The following RPE65 variants were observed in gnomAD, a reference collection of about 807,000 sequenced individuals.
RPE65 encodes retinoid isomerohydrolase RPE65.
Under a neutral mutation model 68.5 loss-of-function variants are expected in RPE65, and 58 were observed. The observed-to-expected ratio is 0.85, with a 90% CI of 0.69 to 1.05. The LOEUF (loss-of-function observed/expected upper bound fraction) is 1.05, where lower values mean the gene tolerates loss of function less well. Among genes scored for constraint, RPE65 ranks in the 50% least tolerant of loss-of-function variants. RPE65 has a pLI of 0.00. For missense variants in RPE65, 643 were observed against 629.9 expected, an observed-to-expected ratio of 1.02 and a Z score of -0.22; for synonymous variants, 220 against 222.2, an observed-to-expected ratio of 0.99 and a Z score of 0.09.
intron 5 of RPE65, among the ~76,000 whole-genome samples, chr1:68,442,254 A>G (rs1169059216): frequency 6.6e-6 from 1 of 152,206 alleles, no homozygotes; most frequent in Admixed American, 6.5e-5. Flanking sequence ...ACATGACTCC[A>G]ACTAATGTTT....
At chr1:68,431,044 C>A in intron 13 of RPE65, 21 bp downstream of exon 13, 1 of 1,584,732 alleles carries the variant, frequency 6.3e-7, no homozygotes, top group Non-Finnish European at 8.7e-7. Flanking sequence ...AGTATTCAGA[C>A]ACAACAATTG....
Position 68,431,070 on chromosome 1 carries a change from T to A in RPE65, c.1445A>T (p.Asp482Val). 6.2e-7 allele frequency: 1 copy of A among 1,613,186 alleles called. No individual in the cohort carries two copies. Among genetic ancestry groups the A allele is most frequent in the African/African-American group, 1.3e-5 (1 of 75,008 alleles). The change falls in exon 13 of 14, where the codon GAT becomes GTT. Residue 482 changes from aspartate to valine, a missense_variant. Coordinates refer to ENST00000262340, the MANE Select transcript of RPE65 (RefSeq NM_000329.3). ...FVSHPDALEE[D>V]DGVVLSVVVS... Reference sequence around the variant, plus strand: ...ACAACAATTGCTTTCATTACCATCATCTTCTTCCAAGGCATCTGGGTGAGA... The same window carrying A: ...ACAACAATTGCTTTCATTACCATCAACTTCTTCCAAGGCATCTGGGTGAGA...
intron 10 of RPE65, among the ~76,000 whole-genome samples, chr1:68,433,816 G>A (rs971652024): frequency 5.9e-5 from 9 of 152,056 alleles, no homozygotes; most frequent in Non-Finnish European, 1.2e-4. Context: ...AAATGACTTT[G>A]ATAAGGTAAG....
Position 68,429,257 on chromosome 1 carries a change from T to C in RPE65, c.*519A>G, listed in dbSNP as rs1021911880. ...ATAAGATTCATAATCTTTGAGCAGT[T>C]ACGTATACGCAAAATAATTACTGTA... is the stretch of plus-strand genomic sequence containing the variant. On this transcript the variant is annotated 3_prime_UTR_variant, in exon 14 of 14. Transcript: ENST00000262340. 1 of 156,440 alleles carries C rather than the reference T, an allele frequency of 6.4e-6. No individual in the cohort carries two copies. The highest frequency in any genetic ancestry group is 1.4e-5 in the Non-Finnish European group (1 of 70,892). The allele number at this position is 156,440 out of a possible 1,614,324, so 9.7% of individuals were successfully genotyped here. A position where few individuals can be genotyped will look rare whatever the true frequency, so the allele number is the denominator to read the frequency against.
At chr1:68,443,657 C>T (rs1174838393) in intron 5 of RPE65, among the ~76,000 whole-genome samples, 3 of 152,112 alleles carry the variant, frequency 2.0e-5, no homozygotes, top group African/African-American at 7.2e-5. Context: ...TAATTCCTTT[C>T]GTATTTATGC....
At chr1:68,449,643 A>G (rs1032757088) in intron 1 of RPE65, among the ~76,000 whole-genome samples, 1 of 152,176 alleles carries the variant, frequency 6.6e-6, no homozygotes, top group Non-Finnish European at 1.5e-5. Flanking sequence ...GTGGAGCCCA[A>G]GTCTGTCTGA....
intron 10 of RPE65, among the ~76,000 whole-genome samples, chr1:68,432,420 G>A (rs1645833748): frequency 6.6e-6 from 1 of 152,134 alleles, no homozygotes; most frequent in Non-Finnish European, 1.5e-5. Context: ...GATGGTTCGG[G>A]TAGGTCTCTT....
intron 3 of RPE65, among the ~76,000 whole-genome samples, chr1:68,445,275 C>CT (rs1438102314): frequency 2.0e-5 from 3 of 152,110 alleles, no homozygotes; most frequent in Non-Finnish European, 4.4e-5. Context: ...TCAACCTAAA[C>CT]TTACTGGGAA....
rs1268270522 is a variant in RPE65 at position 68,440,860 on chromosome 1, C to T, written c.636G>A (p.Leu212=). ...ACAGATTGGTAAACTCACCTGCTTG[C>T]AGTGGTGGGATCTTTACAATGTTGT... ...IAYNIVKIPP[L]QADKEDPISK... Residue 212 remains leucine, a synonymous_variant, in exon 6 of 14, where the codon CTG becomes CTA. Transcript: ENST00000262340. 6.2e-7 allele frequency: 1 copy of T among 1,614,008 alleles called. No individual in the cohort carries two copies. The highest frequency in any genetic ancestry group is 8.5e-7 in the Non-Finnish European group (1 of 1,179,876).
In RPE65 at chr1:68,444,622, T is replaced by G; in HGVS notation, c.404A>C (p.Asn135Thr). 5 of 1,614,174 alleles carry G rather than the reference T, an allele frequency of 3.1e-6. No individual in the cohort carries two copies. The highest frequency in any genetic ancestry group is 4.2e-6 in the Non-Finnish European group (5 of 1,180,026). ...GTAATCTTCCCCCACTGGGTAGACA[T>G]TAACAAGGGCATTGTCAGTAACCTC... is the stretch of plus-strand genomic sequence containing the variant. The part of the protein sequence containing the change: ...GVEVTDNALV[N>T]VYPVGEDYYA... Residue 135 changes from asparagine to threonine, a missense_variant, in exon 5 of 14, where the codon AAT becomes ACT. Asn to Thr is a moderately conservative substitution (Grantham distance 65). Transcript: ENST00000262340.
chr1:68,441,141 C>T (rs1645899833), intron 5 of RPE65, 141 bp from the exon 6 acceptor site: 4 of 985,208 alleles, frequency 4.1e-6, no homozygotes, highest in African/African-American at 1.6e-5. Flanking sequence ...TGGATTCTAC[C>T]CTCTTTCACC....
At chr1:68,435,476 C>CT (rs1260435857) in intron 10 of RPE65, among the ~76,000 whole-genome samples, 1 of 152,142 alleles carries the variant, frequency 6.6e-6, no homozygotes, top group Non-Finnish European at 1.5e-5. Flanking sequence ...CCTTCACTGT[C>CT]TTTCCATTAC....
chr1:68,444,836 A>C lies in RPE65; in HGVS notation c.293T>G (p.Ile98Ser). ...ACAGGTGCCAAATTCTGTTATGACG[A>C]TCCTTTTCTCAGTCATTGCCCGTAC... ...AYVRAMTEKR[I>S]VITEFGTCAF... Residue 98 changes from isoleucine to serine, a missense_variant, in exon 4 of 14, where the codon ATC becomes AGC. Transcript: ENST00000262340. The C allele has an allele frequency of 6.2e-7, 1 of 1,614,042 alleles. No individual in the cohort carries two copies. Among genetic ancestry groups the C allele is most frequent in the Non-Finnish European group, 8.5e-7 (1 of 1,180,008 alleles).
intron 13 of RPE65, 66 bp from the exon 14 acceptor site, chr1:68,429,993 A>C: frequency 1.3e-6 from 2 of 1,587,334 alleles, no homozygotes; most frequent in African/African-American, 1.3e-5. Context: ...ATTGAATGTC[A>C]TTGAAATAAT....
chr1:68,442,830 C>T (rs993013069), intron 5 of RPE65, among the ~76,000 whole-genome samples: 2 of 152,206 alleles, frequency 1.3e-5, no homozygotes, highest in Non-Finnish European at 2.9e-5. Flanking sequence ...TGGTTACACA[C>T]ACACAACATA....
Position 68,439,582 on chromosome 1 carries a change from A to G in RPE65, c.704T>C (p.Phe235Ser). 6.2e-7 allele frequency: 1 copy of G among 1,613,970 alleles called. No homozygotes were observed. The highest frequency in any genetic ancestry group is 2.2e-5 in the East Asian group (1 of 44,874). ...TTACCTATGAACGTAAGATGGCTTG[A>G]ATCGGTCACTGCAGGGGAATTGTAC... is the stretch of plus-strand genomic sequence containing the variant. The part of the protein sequence containing the change: ...IVVQFPCSDR[F>S]KPSYVHSFGL... The change falls in exon 7 of 14, where the codon TTC becomes TCC. Residue 235 changes from phenylalanine (F) to serine (S), a missense_variant. Physicochemically the swap from Phe to Ser is radical, Grantham distance 155. Transcript: ENST00000262340.
chr1:68,429,830 A>T lies in RPE65; in HGVS notation c.1548T>A (p.Ala516=). The T allele has an allele frequency of 6.2e-7, 1 of 1,613,872 alleles. No homozygotes were observed. Among genetic ancestry groups the T allele is most frequent in the Non-Finnish European group, 8.5e-7 (1 of 1,179,840 alleles). ...NAKDLSEVAR[A]EVEINIPVTF... is the part of the protein sequence containing the mutation. ...TGACAGGGATGTTAATCTCCACTTC[A>T]GCCCGGGCAACTTCACTTAAGTCCT... Residue 516 remains alanine (A), a synonymous_variant, in exon 14 of 14, where the codon GCT becomes GCA. Transcript: ENST00000262340.
Position 68,449,886 on chromosome 1 carries a change from G to A in RPE65, c.11+9C>T. The A allele has an allele frequency of 6.2e-7, 1 of 1,614,048 alleles. No homozygotes were observed. Among genetic ancestry groups the A allele is most frequent in the Non-Finnish European group, 8.5e-7 (1 of 1,179,896 alleles). ...AGGTGTTTTAAAAAAGTCTCCCAGA[G>A]ATACTTACTGGATAGACATTTTCTT... On this transcript the variant is annotated intron_variant, in intron 1 of 13. Transcript: ENST00000262340.
rs1460952054 is a variant in RPE65, at chr1:68,439,655, G to T, written c.644-13C>A. 1 of 1,610,694 alleles carries T rather than the reference G, an allele frequency of 6.2e-7. No individual in the cohort carries two copies. The highest frequency in any genetic ancestry group is 1.1e-5 in the South Asian group (1 of 90,976). On this transcript the variant is annotated splice_polypyrimidine_tract_variant and intron_variant, in intron 6 of 13. Transcript: ENST00000262340. ...GGATCTTCCTTGTCTGAAATAAAGT[G>T]GTTTTAAAAGGCTTTGGAAGAGCCT... is the stretch of plus-strand genomic sequence containing the variant.
Sources: gnomAD v4.1 joint callset for allele counts (sites outside exome capture counted in the v4.1 genomes callset) on GRCh38, gnomAD v4.1.1 for gene constraint, MANE v1.5 for transcripts, NCBI Gene and HGNC (gene_info 2026-07-23, HGNC 2026-07-21) for gene names.